Variants in USP54 observed in about 807,000 individuals in gnomAD.
USP54 encodes the protein ubiquitin carboxyl-terminal hydrolase 54.
In USP54, 87 loss-of-function variants were observed where a neutral mutation model predicts 170.5. That is an observed-to-expected ratio of 0.51 (90% CI 0.43 to 0.61). The LOEUF (loss-of-function observed/expected upper bound fraction) is 0.61. Ranked by LOEUF, USP54 falls within the 20% of genes least tolerant of loss-of-function variation. USP54 has a pLI of 0.00. For missense variants in USP54, 1,786 were observed against 2,047.8 expected (o/e 0.87, Z 2.47); for synonymous variants, 655 against 742.8 (o/e 0.88, Z 1.92).
chr10:73,562,336 T>C (rs1460683620), intron 4 of USP54, among the ~76,000 whole-genome samples: 3 of 152,024 alleles, frequency 2.0e-5, no homozygotes, highest in Non-Finnish European at 2.9e-5. Context: ...ATTTAAGAAA[T>C]AGAAAAATAA....
intron 9 of USP54, among the ~76,000 whole-genome samples, chr10:73,540,281 A>G (rs1203778347): frequency 1.3e-5 from 2 of 150,780 alleles, no homozygotes; most frequent in Admixed American, 6.6e-5. Context: ...TAAAAAAAAA[A>G]AAAAACCAGC....
chr10:73,539,985 G>C (rs920961028), intron 9 of USP54, among the ~76,000 whole-genome samples: 11 of 152,012 alleles, frequency 7.2e-5, no homozygotes, highest in Non-Finnish European at 1.5e-5. Flanking sequence ...AATCAGCTGG[G>C]TGTGGTGGTG....
rs191822877 is a variant in USP54, at chr10:73,578,115, G to T, written c.-581-1754C>A. Among the ~76,000 whole-genome samples the T allele has an allele frequency of 9.3e-4, 142 of 152,264 alleles. No homozygotes were observed. The South Asian group carries it at 0.017, about 19-fold the overall frequency. ...AAAAGGAGAAAAACGCAGTAGCAGA[G>T]AAAAGATTCTCAGGCTCTGAATGGC... On this transcript the variant is annotated intron_variant, in intron 1 of 23. Coordinates refer to ENST00000687698, the MANE Select transcript of USP54 (RefSeq NM_001391956.1).
intron 4 of USP54, among the ~76,000 whole-genome samples, chr10:73,565,651 C>CCTA (rs1443557496): frequency 2.0e-5 from 3 of 152,136 alleles, no homozygotes; most frequent in African/African-American, 4.8e-5. Flanking sequence ...CCAAAATAAG[C>CCTA]CTACTGATCA....
At chr10:73,565,968 T>C (rs1242934736) in intron 4 of USP54, among the ~76,000 whole-genome samples, 2 of 152,086 alleles carry the variant, frequency 1.3e-5, no homozygotes, top group African/African-American at 2.4e-5. Flanking sequence ...CAGTGGCTCA[T>C]GCCTGTAATC....
intron 4 of USP54, among the ~76,000 whole-genome samples, chr10:73,556,905 C>T (rs2071231862): frequency 6.6e-6 from 1 of 152,144 alleles, no homozygotes; most frequent in South Asian, 2.1e-4. Context: ...AGCACCATTC[C>T]CAGGCTTTTA....
intron 1 of USP54, among the ~76,000 whole-genome samples, chr10:73,601,284 A>G (rs918064473): frequency 2.0e-5 from 3 of 152,192 alleles, no homozygotes; most frequent in Admixed American, 2.0e-4. Flanking sequence ...TTCCTAGAGA[A>G]ATGAAACCAG....
intron 12 of USP54, among the ~76,000 whole-genome samples, chr10:73,533,175 G>A (rs1001596249): frequency 9.9e-5 from 15 of 151,978 alleles, no homozygotes; most frequent in Admixed American, 1.3e-4. Context: ...GCGTGGTGGC[G>A]GGCGCCTGTG....
intron 10 of USP54, among the ~76,000 whole-genome samples, chr10:73,537,133 T>A (rs2065397203): frequency 6.6e-6 from 1 of 152,166 alleles, no homozygotes; most frequent in African/African-American, 2.4e-5. Flanking sequence ...GCTCTTGGGG[T>A]TAGACAACTA....
intron 17 of USP54, among the ~76,000 whole-genome samples, chr10:73,522,601 C>G (rs376596429): frequency 2.6e-5 from 4 of 152,120 alleles, no homozygotes; most frequent in African/African-American, 9.7e-5. Context: ...CAATGTGATA[C>G]AGCTTGAGGT....
intron 4 of USP54, among the ~76,000 whole-genome samples, chr10:73,550,270 A>G (rs1202376617): frequency 6.6e-6 from 1 of 152,160 alleles, no homozygotes; most frequent in Non-Finnish European, 1.5e-5. Context: ...GCCCCTCACT[A>G]TGCCCCAAAC....
chr10:73,548,607 T>A (rs1355606638), intron 4 of USP54, among the ~76,000 whole-genome samples: 1 of 152,118 alleles, frequency 6.6e-6, no homozygotes, highest in African/African-American at 2.4e-5. Context: ...GAAGCCATCA[T>A]TCTCAGCAAA....
upstream of USP54, among the ~76,000 whole-genome samples, chr10:73,593,130 G>A (rs1389748634): frequency 6.6e-6 from 1 of 152,030 alleles, no homozygotes; most frequent in African/African-American, 2.4e-5. Flanking sequence ...AGGCCATTGC[G>A]GGAGGATCAT....
At chr10:73,545,240 G>C (rs745592576) in intron 5 of USP54, among the ~76,000 whole-genome samples, 1 of 152,038 alleles carries the variant, frequency 6.6e-6, no homozygotes, top group African/African-American at 2.4e-5. Context: ...CTCCTCTGCC[G>C]GGCCTACTGT....
chr10:73,608,631 C>T (rs932528484), intron 1 of USP54, among the ~76,000 whole-genome samples: 45 of 152,286 alleles, frequency 3.0e-4, no homozygotes, highest in South Asian at 1.2e-3. Context: ...CTTGGTGGCT[C>T]ATGCCTGTAA....
At chr10:73,625,223 C>CA (rs2081427751) in intron 1 of USP54, among the ~76,000 whole-genome samples, 4 of 150,704 alleles carry the variant, frequency 2.7e-5, no homozygotes. Flanking sequence ...TCCCGCCCCC[C>CA]TACCCTGCGC....
chr10:73,565,824 T>C (rs1352688487), intron 4 of USP54, among the ~76,000 whole-genome samples: 1 of 152,174 alleles, frequency 6.6e-6, no homozygotes, highest in East Asian at 1.9e-4. Context: ...GTAATACTCT[T>C]CATAAAAATA....
At chr10:73,562,126 A>T (rs527507780) in intron 4 of USP54, among the ~76,000 whole-genome samples, 1 of 151,942 alleles carries the variant, frequency 6.6e-6, no homozygotes, top group African/African-American at 2.4e-5. Flanking sequence ...GAGAGAGAGA[A>T]AAAAATTACA....
At chr10:73,525,094 T>C (rs530388477) in intron 16 of USP54, among the ~76,000 whole-genome samples, 1 of 152,220 alleles carries the variant, frequency 6.6e-6, no homozygotes, top group East Asian at 1.9e-4. Context: ...ATAACATGCA[T>C]AGTATGACTT....
Sources: allele counts gnomAD v4.1 joint callset (sites outside exome capture counted in the v4.1 genomes callset), GRCh38; gene constraint gnomAD v4.1.1; transcripts MANE v1.5; gene names NCBI Gene and HGNC (gene_info 2026-07-23, HGNC 2026-07-21).